The following ENTREP2 variants were observed in gnomAD, a reference collection of about 807,000 sequenced individuals.
ENTREP2 encodes the protein protein ENTREP2.
the ENTREP2 span, among the ~76,000 whole-genome samples, chr15:29,637,196 A>G: frequency 6.6e-6 from 1 of 152,174 alleles, no homozygotes; most frequent in Non-Finnish European, 1.5e-5. Context: ...TTTGTCCTTG[A>G]GAAAGCCAGC....
At chr15:29,224,069 TAAAGACACCGTGTCC>T in the ENTREP2 span, among the ~76,000 whole-genome samples, 1 of 152,192 alleles carries the variant, frequency 6.6e-6, no homozygotes, top group Non-Finnish European at 1.5e-5. Context: ...TTACAGTTCT[TAAAGACACCGTGTCC>T]AGACTTTGTT....
At chr15:29,337,242 A>C in the ENTREP2 span, among the ~76,000 whole-genome samples, 1 of 152,196 alleles carries the variant, frequency 6.6e-6, no homozygotes, top group Non-Finnish European at 1.5e-5. Context: ...GGAGCTGAAG[A>C]GTGCTGTGCG....
the ENTREP2 span, among the ~76,000 whole-genome samples, chr15:29,422,050 C>A: frequency 6.6e-6 from 1 of 152,040 alleles, no homozygotes; most frequent in African/African-American, 2.4e-5. Context: ...GGTGGATCAC[C>A]TGAGGTCAGG....
chr15:29,118,878 C>A, the ENTREP2 span, among the ~76,000 whole-genome samples: 3 of 152,180 alleles, frequency 2.0e-5, no homozygotes, highest in African/African-American at 7.2e-5. Context: ...GGGCTTTGTT[C>A]AGAGGCGGTG....
the ENTREP2 span, among the ~76,000 whole-genome samples, chr15:29,547,334 C>T: frequency 1.3e-3 from 204 of 152,044 alleles, 1 homozygote; most frequent in African/African-American, 4.4e-3. Context: ...GTGATCCACC[C>T]GCCTCAGCCT....
chr15:29,247,013 ACG>A, the ENTREP2 span, among the ~76,000 whole-genome samples: 1 of 150,916 alleles, frequency 6.6e-6, no homozygotes, highest in Non-Finnish European at 1.5e-5. Flanking sequence ...ACACACACAC[ACG>A]CAAAACCCTG....
the ENTREP2 span, among the ~76,000 whole-genome samples, chr15:29,339,069 C>T: frequency 6.6e-6 from 1 of 152,208 alleles, no homozygotes; most frequent in Non-Finnish European, 1.5e-5. Flanking sequence ...GGTGCTGACT[C>T]CTGACTCACC....
the ENTREP2 span, among the ~76,000 whole-genome samples, chr15:29,343,276 G>A: frequency 6.6e-6 from 1 of 152,100 alleles, no homozygotes; most frequent in Non-Finnish European, 1.5e-5. Flanking sequence ...CCTTTTAGAT[G>A]TAATTCATAT....
the ENTREP2 span, among the ~76,000 whole-genome samples, chr15:29,606,286 G>A: frequency 6.7e-6 from 1 of 149,048 alleles, no homozygotes; most frequent in Non-Finnish European, 1.5e-5. Flanking sequence ...CCAGACTGGA[G>A]TGCAGTGGCT....
At chr15:29,269,814 G>T in the ENTREP2 span, 2,489 of 1,051,886 alleles carry the variant, frequency 2.4e-3, 9 homozygotes, top group Non-Finnish European at 3.0e-3. Context: ...CGCAGTGTCG[G>T]CTGAGACTGC....
chr15:29,342,488 C>T, the ENTREP2 span, among the ~76,000 whole-genome samples: 1 of 152,166 alleles, frequency 6.6e-6, no homozygotes, highest in African/African-American at 2.4e-5. Flanking sequence ...TCTGCAGGAT[C>T]AAATTCCAGA....
chr15:29,462,739 T>C, the ENTREP2 span, among the ~76,000 whole-genome samples: 18 of 152,196 alleles, frequency 1.2e-4, no homozygotes, highest in Non-Finnish European at 1.6e-4. Flanking sequence ...AGCAAAGCAA[T>C]ATTCTCTCTG....
At chr15:29,242,137 G>A in the ENTREP2 span, among the ~76,000 whole-genome samples, 5 of 152,136 alleles carry the variant, frequency 3.3e-5, no homozygotes, top group South Asian at 6.2e-4. Context: ...GCAGTGGCAC[G>A]ATCTTGGCTC....
At chr15:29,397,688 C>T in the ENTREP2 span, among the ~76,000 whole-genome samples, 1 of 152,214 alleles carries the variant, frequency 6.6e-6, no homozygotes, top group African/African-American at 2.4e-5. Flanking sequence ...AAAACACTAA[C>T]TGTTCCCATA....
the ENTREP2 span, among the ~76,000 whole-genome samples, chr15:29,431,623 G>A: frequency 9.2e-5 from 14 of 151,982 alleles, no homozygotes; most frequent in South Asian, 2.1e-4. Context: ...TTAGATCTAA[G>A]CAATGGTAAA....
At chr15:29,674,137 G>GGGT in the ENTREP2 span, among the ~76,000 whole-genome samples, 2 of 148,930 alleles carry the variant, frequency 1.3e-5, no homozygotes, top group Non-Finnish European at 3.0e-5. Context: ...ATGGGGGGGG[G>GGGT]GGGGGGCTTT....
chr15:29,540,683 T>C, the ENTREP2 span, among the ~76,000 whole-genome samples: 1 of 152,262 alleles, frequency 6.6e-6, no homozygotes, highest in East Asian at 1.9e-4. Flanking sequence ...GACAGCATAA[T>C]TGATCATGTA....
chr15:29,291,991 T>C, the ENTREP2 span, among the ~76,000 whole-genome samples: 10 of 152,176 alleles, frequency 6.6e-5, no homozygotes, highest in African/African-American at 1.9e-4. Context: ...ACCCAATGTT[T>C]GCCAATGCTG....
the ENTREP2 span, among the ~76,000 whole-genome samples, chr15:29,532,040 T>C: frequency 6.6e-6 from 1 of 152,214 alleles, no homozygotes; most frequent in African/African-American, 2.4e-5. Context: ...TCACTTAAAA[T>C]CTACTCAGCA....
Sources: gnomAD v4.1 joint callset for allele counts (sites outside exome capture counted in the v4.1 genomes callset) on GRCh38, gnomAD v4.1.1 for gene constraint, MANE v1.5 for transcripts, NCBI Gene and HGNC (gene_info 2026-07-23, HGNC 2026-07-21) for gene names.